Variants in CACNB2 observed in about 807,000 individuals in gnomAD.
The protein encoded by CACNB2 is calcium voltage-gated channel auxiliary subunit beta 2.
A neutral mutation model predicts 73.3 loss-of-function variants in CACNB2; 42 were observed. That is an observed-to-expected ratio of 0.57 (90% confidence interval 0.45 to 0.74). The LOEUF (loss-of-function observed/expected upper bound fraction) is 0.74. Among genes scored for constraint, CACNB2 ranks in the 30% least tolerant of loss-of-function variants. CACNB2 has a pLI of 0.00. For missense variants in CACNB2, 940 were observed against 853.0 expected, an observed-to-expected ratio of 1.10 and a Z score of -1.27; for synonymous variants, 348 against 310.3, an observed-to-expected ratio of 1.12 and a Z score of -1.28.
intron 2 of CACNB2, among the ~76,000 whole-genome samples, chr10:18,249,211 G>C (rs2036988971): frequency 1.3e-5 from 2 of 152,078 alleles, no homozygotes; most frequent in African/African-American, 2.4e-5. Context: ...CAAATCTTCT[G>C]CTTCCTTCCT....
At chr10:18,441,198 G>T (rs183961336) in intron 3 of CACNB2, among the ~76,000 whole-genome samples, 3 of 152,198 alleles carry the variant, frequency 2.0e-5, no homozygotes, top group South Asian at 2.1e-4. Flanking sequence ...CAGGTCAGGA[G>T]GTCGAGACCA....
intron 3 of CACNB2, among the ~76,000 whole-genome samples, chr10:18,409,052 C>T (rs1391146208): frequency 1.3e-5 from 2 of 151,972 alleles, no homozygotes; most frequent in African/African-American, 2.4e-5. Flanking sequence ...AATCTCAGCA[C>T]TTTGGGAGGC....
chr10:18,524,008 G>A (rs1372037217), intron 9 of CACNB2, among the ~76,000 whole-genome samples: 1 of 152,116 alleles, frequency 6.6e-6, no homozygotes, highest in Non-Finnish European at 1.5e-5. Context: ...GTGTCAGTGT[G>A]TCAGATCAAA....
chr10:18,173,097 T>C (rs2033361898), intron 2 of CACNB2, among the ~76,000 whole-genome samples: 1 of 151,984 alleles, frequency 6.6e-6, no homozygotes, highest in South Asian at 2.1e-4. Context: ...ATTTTGTGTT[T>C]TTAGTAGAGA....
chr10:18,311,972 T>C (rs1465832709), intron 2 of CACNB2, among the ~76,000 whole-genome samples: 1 of 152,218 alleles, frequency 6.6e-6, no homozygotes, highest in East Asian at 1.9e-4. Flanking sequence ...GATAGTCCCC[T>C]TCTATACTTC....
At chr10:18,270,148 G>A (rs1382055723) in intron 2 of CACNB2, among the ~76,000 whole-genome samples, 2 of 152,156 alleles carry the variant, frequency 1.3e-5, no homozygotes, top group African/African-American at 2.4e-5. Context: ...GGAGGCAAAG[G>A]AGAAATAAGG....
At chr10:18,532,697 C>CAAAAAAAAAAAAAAAAAAAAA (rs1187679628) in intron 10 of CACNB2, among the ~76,000 whole-genome samples, 1 of 125,112 alleles carries the variant, frequency 8.0e-6, no homozygotes, top group Non-Finnish European at 1.6e-5. Context: ...AAAAAAAAAA[C>CAAAAAAAAAAAAAAAAAAAAA]AAAACAAAAA....
chr10:18,458,081 T>G (rs1436113455), intron 3 of CACNB2, among the ~76,000 whole-genome samples: 1 of 152,226 alleles, frequency 6.6e-6, no homozygotes. Flanking sequence ...GAGAAATCAT[T>G]TAACCAATTC....
chr10:18,538,843 A>AT (rs1053440268), intron 13 of CACNB2, among the ~76,000 whole-genome samples: 18 of 152,126 alleles, frequency 1.2e-4, no homozygotes, highest in African/African-American at 4.3e-4. Flanking sequence ...TCAGGTAAGC[A>AT]TTTGCTATTT....
At chr10:18,395,627 G>A (rs976344673) in intron 2 of CACNB2, among the ~76,000 whole-genome samples, 14 of 152,034 alleles carry the variant, frequency 9.2e-5, no homozygotes, top group African/African-American at 3.4e-4. Flanking sequence ...CTCTTCATTA[G>A]TACATCCTAT....
intron 2 of CACNB2, among the ~76,000 whole-genome samples, chr10:18,287,909 T>C (rs898630088): frequency 6.6e-6 from 1 of 152,182 alleles, no homozygotes; most frequent in Non-Finnish European, 1.5e-5. Flanking sequence ...TGCTGATGAT[T>C]GTAGGGGAGG....
chr10:18,385,742 C>A (rs917657772), intron 2 of CACNB2, among the ~76,000 whole-genome samples: 25 of 150,216 alleles, frequency 1.7e-4, no homozygotes, highest in Non-Finnish European at 3.3e-4. Flanking sequence ...TTTTCTGATG[C>A]TTTTTTCTTT....
chr10:18,401,077 A>G, intron 2 of CACNB2: 1 of 1,614,210 alleles, frequency 6.2e-7, no homozygotes, highest in East Asian at 2.2e-5. Context: ...CAAGGGAGGA[A>G]GGCTGAAGAA....
At chr10:18,458,221 A>G (rs548936781) in intron 3 of CACNB2, among the ~76,000 whole-genome samples, 5 of 152,234 alleles carry the variant, frequency 3.3e-5, no homozygotes, top group South Asian at 4.1e-4. Flanking sequence ...AAATGAATTC[A>G]TATCTTCCTG....
At chr10:18,531,001 C>CT (rs2052967182) in intron 10 of CACNB2, among the ~76,000 whole-genome samples, 1 of 152,088 alleles carries the variant, frequency 6.6e-6, no homozygotes, top group Non-Finnish European at 1.5e-5. Context: ...TATACAGATT[C>CT]TTTTTGCAAG....
intron 3 of CACNB2, among the ~76,000 whole-genome samples, chr10:18,415,106 A>C (rs1473886924): frequency 6.6e-6 from 1 of 152,222 alleles, no homozygotes; most frequent in Non-Finnish European, 1.5e-5. Flanking sequence ...CTTCCTCAAG[A>C]AGCTCATGGT....
At chr10:18,374,982 G>A (rs1445106941) in intron 2 of CACNB2, among the ~76,000 whole-genome samples, 1 of 152,068 alleles carries the variant, frequency 6.6e-6, no homozygotes, top group Non-Finnish European at 1.5e-5. Flanking sequence ...TTAGCCTAAG[G>A]AGAAAGTTCT....
intron 2 of CACNB2, among the ~76,000 whole-genome samples, chr10:18,186,431 G>A (rs1029338941): frequency 1.3e-5 from 2 of 149,972 alleles, no homozygotes; most frequent in Non-Finnish European, 3.0e-5. Flanking sequence ...AAAAAAAAAA[G>A]AAAGAAAGAA....
intron 3 of CACNB2, among the ~76,000 whole-genome samples, chr10:18,490,414 A>T (rs1421694560): frequency 6.6e-6 from 1 of 152,174 alleles, no homozygotes; most frequent in Non-Finnish European, 1.5e-5. Flanking sequence ...AAAGGAATCA[A>T]TTCCTTTTTT....
Sources: gnomAD v4.1 joint callset for allele counts (sites outside exome capture counted in the v4.1 genomes callset) on GRCh38, gnomAD v4.1.1 for gene constraint, MANE v1.5 for transcripts, NCBI Gene and HGNC (gene_info 2026-07-23, HGNC 2026-07-21) for gene names.